POC1A: variants seen among roughly 807,000 people sequenced by gnomAD.
The protein encoded by POC1A is POC1 centriolar protein homolog A.
Under a neutral mutation model 47.8 loss-of-function variants are expected in POC1A, and 34 were observed. The observed-to-expected ratio is 0.71, with a 90% CI of 0.54 to 0.95. The LOEUF (loss-of-function observed/expected upper bound fraction) is 0.95. Among genes scored for constraint, POC1A ranks in the 40% least tolerant of loss-of-function variants. The pLI is 0.00. For missense variants in POC1A, 466 were observed against 528.3 expected (o/e 0.88, Z 1.16); for synonymous variants, 177 against 207.6 (o/e 0.85, Z 1.27).
intron 7 of POC1A, among the ~76,000 whole-genome samples, chr3:52,136,410 T>C (rs1361234985): frequency 4.6e-5 from 7 of 152,144 alleles, no homozygotes; most frequent in Non-Finnish European, 7.3e-5. Flanking sequence ...TTCAGCTCTG[T>C]CAGCCTCCCT....
In POC1A at chr3:52,080,325, AG is replaced by A. The variant is rs535712675; in HGVS notation, c.1126-4341del. Among the ~76,000 whole-genome samples the A allele has an allele frequency of 9.9e-4, 150 of 152,242 alleles. No individual in the cohort carries two copies. In the Middle Eastern group the frequency reaches 0.01, roughly 10 times the overall value. On this transcript the variant is annotated intron_variant, in intron 10 of 10. Transcript: ENST00000296484. The stretch of plus-strand genomic sequence containing the variant: ...CCTGCTGGTGTCCCATCCCACTTCC[AG>A]CCCTGATGCCCAAACTCAGGCAGCC...
At chr3:52,117,920 T>C (rs923366149) in intron 9 of POC1A, among the ~76,000 whole-genome samples, 1 of 151,912 alleles carries the variant, frequency 6.6e-6, no homozygotes, top group East Asian at 1.9e-4. Flanking sequence ...GTTTGGGAGG[T>C]GTTAAATTCA....
At chr3:52,148,714 C>A (rs1356218722) in intron 4 of POC1A, among the ~76,000 whole-genome samples, 1 of 152,212 alleles carries the variant, frequency 6.6e-6, no homozygotes, top group Admixed American at 6.5e-5. Flanking sequence ...GGAAAGTAGG[C>A]AAGCCTTACT....
intron 6 of POC1A, among the ~76,000 whole-genome samples, chr3:52,143,771 G>A (rs949488160): frequency 6.6e-6 from 1 of 152,172 alleles, no homozygotes; most frequent in Admixed American, 6.5e-5. Context: ...ACCCCAGCAG[G>A]CTCTGGACAC....
intron 7 of POC1A, among the ~76,000 whole-genome samples, chr3:52,132,875 T>C (rs1355154530): frequency 6.6e-6 from 1 of 151,886 alleles, no homozygotes; most frequent in East Asian, 1.9e-4. Flanking sequence ...TGAAACCCTG[T>C]CTCTACTAAA....
chr3:52,138,338 G>A (rs1468236371), intron 6 of POC1A, 36 bp from the exon 7 acceptor site: 4 of 1,589,606 alleles, frequency 2.5e-6, no homozygotes, highest in Non-Finnish European at 3.4e-6. Context: ...CTGGCTAGGA[G>A]GCACAGGGAG....
chr3:52,126,919 G>A (rs1475684502), intron 7 of POC1A, among the ~76,000 whole-genome samples: 2 of 152,190 alleles, frequency 1.3e-5, no homozygotes, highest in African/African-American at 4.8e-5. Flanking sequence ...TGGGGATCAA[G>A]TTTCTAATAC....
At chr3:52,132,703 C>T (rs534467450) in intron 7 of POC1A, among the ~76,000 whole-genome samples, 2 of 152,278 alleles carry the variant, frequency 1.3e-5, no homozygotes, top group East Asian at 3.9e-4. Flanking sequence ...CCAACATCCA[C>T]CCCTGCTATG....
At chr3:52,092,879 G>A (rs1351427874) in intron 10 of POC1A, among the ~76,000 whole-genome samples, 5 of 152,240 alleles carry the variant, frequency 3.3e-5, no homozygotes, top group Admixed American at 2.0e-4. Context: ...TCATCTGAAA[G>A]GCCTCTTGGC....
chr3:52,152,440 G>A (rs968465728), intron 1 of POC1A, among the ~76,000 whole-genome samples: 2 of 151,888 alleles, frequency 1.3e-5, no homozygotes, highest in Non-Finnish European at 2.9e-5. Flanking sequence ...CGTGGTGGTG[G>A]GCGCCTATAG....
intron 9 of POC1A, among the ~76,000 whole-genome samples, chr3:52,110,705 C>T (rs1703350546): frequency 6.6e-6 from 1 of 152,152 alleles, no homozygotes; most frequent in South Asian, 2.1e-4. Flanking sequence ...ATAGCAGTGG[C>T]CCCAGTGTGT....
Position 52,146,990 on chromosome 3 carries a change from G to C in POC1A, c.561C>G (p.Gly187=), listed in dbSNP as rs777554538. The C allele has an allele frequency of 6.2e-7, 1 of 1,612,286 alleles. No homozygotes were observed. The highest frequency in any genetic ancestry group is 8.5e-7 in the Non-Finnish European group (1 of 1,178,442). ...GAGGACAGCATCTGGGGACTCACCC[G>C]CCATGCTCACAATACGAGTGGACAC... ...RECVHSYCEH[G]GFVTYVDFHP... Residue 187 remains glycine (G), a splice_region_variant and synonymous_variant, in exon 5 of 11, where the codon GGC becomes GGG. Coordinates refer to ENST00000296484, the MANE Select transcript of POC1A (RefSeq NM_015426.5).
At chr3:52,086,644 G>A (rs1702464705) in intron 10 of POC1A, among the ~76,000 whole-genome samples, 1 of 152,210 alleles carries the variant, frequency 6.6e-6, no homozygotes, top group African/African-American at 2.4e-5. Context: ...AGTGACTAGG[G>A]GGCCAGCCTA....
intron 10 of POC1A, among the ~76,000 whole-genome samples, chr3:52,085,433 G>T (rs939853681): frequency 2.6e-5 from 4 of 152,178 alleles, no homozygotes; most frequent in Admixed American, 1.3e-4. Flanking sequence ...CTATCCAAGA[G>T]CTCAGGAATA....
At chr3:52,102,365 A>C (rs977593388) in intron 9 of POC1A, among the ~76,000 whole-genome samples, 1 of 152,240 alleles carries the variant, frequency 6.6e-6, no homozygotes, top group Non-Finnish European at 1.5e-5. Context: ...GGAGGCACTA[A>C]GGGAGAATGC....
At position 52,149,383 on chromosome 3, in the gene POC1A, AC is replaced by A; in HGVS notation, c.281del (p.Gly94ValfsTer13). 2 of 1,613,704 alleles carry A rather than the reference AC, an allele frequency of 1.2e-6. No homozygotes were observed. Among genetic ancestry groups the A allele is most frequent in the Non-Finnish European group, 1.7e-6 (2 of 1,179,702 alleles). ...TVRIWVPNVK[G>X]ESTVFRAHTA... is the part of the protein sequence containing the mutation. ...TGTGTGCACGAAACACAGTGGACTC[AC>A]CTTTGCTACAAGGACAGGCATCCAA... is the stretch of plus-strand genomic sequence containing the variant. On this transcript the variant is annotated frameshift_variant, in exon 4 of 11. Coordinates refer to ENST00000296484, the MANE Select transcript of POC1A (RefSeq NM_015426.5). LOFTEE classifies it high-confidence loss of function.
chr3:52,090,565 G>C lies in POC1A; in HGVS notation c.1125+6004C>G, dbSNP rs1212560745. Among the ~76,000 whole-genome samples the C allele has an allele frequency of 1.3e-5, 2 of 152,158 alleles. No individual in the cohort carries two copies. The highest frequency in any genetic ancestry group is 4.8e-5 in the African/African-American group (2 of 41,428). On this transcript the variant is annotated intron_variant, in intron 10 of 10. Coordinates refer to ENST00000296484, the MANE Select transcript of POC1A (RefSeq NM_015426.5). This position sits in a 1 kb window ranked among gnomAD's most constrained non-coding sequence, Gnocchi z 4.2. ...CTGTGCAGCAGCCCTCTGGCCTCTT[G>C]AGGGTCCATGAAGGAAGCCACAGAG...
chr3:52,130,862 G>C (rs1704184479), intron 7 of POC1A, among the ~76,000 whole-genome samples: 1 of 152,120 alleles, frequency 6.6e-6, no homozygotes, highest in Non-Finnish European at 1.5e-5. Flanking sequence ...CTCAACCTAG[G>C]GCCCAGCATG....
chr3:52,127,778 C>T (rs1704064392), intron 7 of POC1A, among the ~76,000 whole-genome samples: 1 of 151,890 alleles, frequency 6.6e-6, no homozygotes, highest in African/African-American at 2.4e-5. Flanking sequence ...TCACTGCAAC[C>T]TCTGCCTCCT....
Sources: allele counts gnomAD v4.1 joint callset (sites outside exome capture counted in the v4.1 genomes callset), GRCh38; gene constraint gnomAD v4.1.1; non-coding constraint Gnocchi (gnomAD v3.1); transcripts MANE v1.5; gene names NCBI Gene and HGNC (gene_info 2026-07-23, HGNC 2026-07-21).